SPTBN1: variants seen among roughly 807,000 people sequenced by gnomAD.
SPTBN1 encodes spectrin beta chain, non-erythrocytic 1.
A neutral mutation model predicts 266.4 loss-of-function variants in SPTBN1; 32 were observed. The observed-to-expected ratio is 0.12, with a 90% CI of 0.09 to 0.16. The LOEUF (loss-of-function observed/expected upper bound fraction) is 0.16, where lower values mean the gene tolerates loss of function less well. SPTBN1 is among the 10% of genes least tolerant of loss of function. The probability of loss-of-function intolerance (pLI) is 1.00; values close to 1 mark genes in which losing one functional copy is unlikely to be tolerated. For missense variants in SPTBN1, 2,296 were observed against 3,067.1 expected (o/e 0.75, Z 5.94); for synonymous variants, 1,336 against 1,162.2 (o/e 1.15, Z -3.04).
At chr2:54,522,707 G>GGAGAGAGAGAAA (rs1670552332) in intron 1 of SPTBN1, among the ~76,000 whole-genome samples, 3 of 147,744 alleles carry the variant, frequency 2.0e-5, no homozygotes, top group Non-Finnish European at 4.5e-5. Context: ...GAGAAAGAAA[G>GGAGAGAGAGAAA]AAAGGAAAGA....
chr2:54,640,498 A>G (rs1175820512), intron 18 of SPTBN1, among the ~76,000 whole-genome samples: 4 of 152,188 alleles, frequency 2.6e-5, no homozygotes, highest in African/African-American at 7.2e-5. Context: ...GGACCCTCCT[A>G]TTCCCAGTTA....
chr2:54,558,852 A>G lies in SPTBN1; in HGVS notation c.148+32286A>G. 6.2e-7 allele frequency: 1 copy of G among 1,613,930 alleles called. No individual in the cohort carries two copies. The highest frequency in any genetic ancestry group is 8.5e-7 in the Non-Finnish European group (1 of 1,179,876). On this transcript the variant is annotated intron_variant, in intron 2 of 35. Transcript: ENST00000356805. This position sits in a 1 kb window ranked among gnomAD's most constrained non-coding sequence, Gnocchi z 4.6. The stretch of plus-strand genomic sequence containing the variant: ...TACACGGGGCAGGTGCCTTACAACT[A>G]CAACCAGCTGGAAGGCAGATTCAAG...
intron 2 of SPTBN1, among the ~76,000 whole-genome samples, chr2:54,564,740 G>A (rs754238035): frequency 1.3e-5 from 2 of 152,190 alleles, no homozygotes; most frequent in Non-Finnish European, 2.9e-5. Flanking sequence ...AGGTTGGGGA[G>A]GTCAACATCC....
Position 54,606,163 on chromosome 2 carries a change from T to C in SPTBN1, c.301-5998T>C, listed in dbSNP as rs560295598. Reference sequence around the variant, plus strand: ...TTCATTTGAATGTAAGTCAGACAAGTGATTATTTGAGATCAAGCTTTCAGG... The same window carrying C: ...TTCATTTGAATGTAAGTCAGACAAGCGATTATTTGAGATCAAGCTTTCAGG... On this transcript the variant is annotated intron_variant, in intron 3 of 35. Transcript: ENST00000356805. Among the ~76,000 whole-genome samples, 6 of 152,296 alleles carry C rather than the reference T, an allele frequency of 3.9e-5. No individual in the cohort carries two copies. The South Asian group carries it at 8.3e-4, about 21-fold the overall frequency.
At chr2:54,458,153 C>T (rs1031511493) in intron 1 of SPTBN1, among the ~76,000 whole-genome samples, 1 of 152,170 alleles carries the variant, frequency 6.6e-6, no homozygotes, top group Non-Finnish European at 1.5e-5. Context: ...ATTACAGTAC[C>T]TCGTCTGTCT....
intron 32 of SPTBN1, chr2:54,661,106 G>C: frequency 1.0e-6 from 1 of 985,234 alleles, no homozygotes; most frequent in Non-Finnish European, 1.2e-6. Context: ...TGTACATCTT[G>C]GATTAATCTT....
intron 1 of SPTBN1, among the ~76,000 whole-genome samples, chr2:54,473,165 A>G (rs1441064856): frequency 1.3e-5 from 2 of 152,200 alleles, no homozygotes; most frequent in African/African-American, 2.4e-5. Flanking sequence ...CTCCTTGTAT[A>G]GAAACATTAT....
intron 1 of SPTBN1, among the ~76,000 whole-genome samples, chr2:54,523,935 C>G (rs1353607086): frequency 6.6e-6 from 1 of 152,216 alleles, no homozygotes; most frequent in Non-Finnish European, 1.5e-5. Context: ...CATGGTGGCT[C>G]ACGCCTGTAA....
At position 54,664,741 on chromosome 2, in the gene SPTBN1, G is replaced by A; in HGVS notation, c.6659+50G>A. The A allele has an allele frequency of 6.4e-7, 1 of 1,566,620 alleles. No individual in the cohort carries two copies. Among genetic ancestry groups the A allele is most frequent in the Non-Finnish European group, 8.8e-7 (1 of 1,142,832 alleles). On this transcript the variant is annotated intron_variant, in intron 33 of 35. Coordinates refer to ENST00000356805, the MANE Select transcript of SPTBN1 (RefSeq NM_003128.3). The surrounding 1 kb of genome is among the most constrained non-coding windows in gnomAD (Gnocchi z 5.6). ...GTAAGATGGGAAGTCAGCCTGTGAA[G>A]GGATAAGGCGGGCCACTCTTGAATT... is the stretch of plus-strand genomic sequence containing the variant.
chr2:54,614,024 T>C lies in SPTBN1; in HGVS notation c.474+1690T>C, dbSNP rs545178848. On this transcript the variant is annotated intron_variant, in intron 4 of 35. Transcript: ENST00000356805. ...TCTCAGCGTGAATTGCTTTGAGTCA[T>C]TGACTAATTCGCTTCCTGCCAGTTT... Among the ~76,000 whole-genome samples the C allele has an allele frequency of 8.4e-4, 128 of 152,328 alleles. 1 individual carries two copies. Among genetic ancestry groups the C allele is most frequent in the African/African-American group, 3.0e-3 (124 of 41,584 alleles).
In SPTBN1 at chr2:54,649,220, T is replaced by C; in HGVS notation, c.5202+30T>C. On this transcript the variant is annotated intron_variant, in intron 25 of 35. Coordinates refer to ENST00000356805, the MANE Select transcript of SPTBN1 (RefSeq NM_003128.3). This position sits in a 1 kb window ranked among gnomAD's most constrained non-coding sequence, Gnocchi z 6.7. ...GTACTTGAGGCAGTGCATGAGTTGG[T>C]TGTGCAGTAAGCGATGGTGTGGAAG... 6.4e-7 allele frequency: 1 copy of C among 1,572,980 alleles called. No homozygotes were observed. Among genetic ancestry groups the C allele is most frequent in the Non-Finnish European group, 8.7e-7 (1 of 1,152,498 alleles).
intron 2 of SPTBN1, among the ~76,000 whole-genome samples, chr2:54,530,353 CTTTTTTT>C (rs549491367): frequency 2.8e-4 from 21 of 73,902 alleles, no homozygotes; most frequent in South Asian, 6.3e-4. Flanking sequence ...TTGTAAAAAA[CTTTTTTT>C]TTTTTTTTTT....
intron 5 of SPTBN1, 135 bp from the exon 6 acceptor site, chr2:54,617,473 T>C (rs574162383): frequency 3.0e-6 from 2 of 658,836 alleles, no homozygotes; most frequent in South Asian, 4.5e-5. Flanking sequence ...TGTTCTGACT[T>C]GATTGTCCTT....
At chr2:54,510,383 T>C (rs1669793250) in intron 1 of SPTBN1, among the ~76,000 whole-genome samples, 1 of 152,216 alleles carries the variant, frequency 6.6e-6, no homozygotes, top group African/African-American at 2.4e-5. Context: ...TCCTACAACA[T>C]GTGAATTTGG....
chr2:54,622,588 A>G, intron 9 of SPTBN1, 101 bp downstream of exon 9: 1 of 1,368,274 alleles, frequency 7.3e-7, no homozygotes, highest in Non-Finnish European at 1.0e-6. Flanking sequence ...CTCTTAACTG[A>G]ATGCCTTTCA....
intron 1 of SPTBN1, among the ~76,000 whole-genome samples, chr2:54,483,483 G>T (rs1404663012): frequency 6.6e-6 from 1 of 152,188 alleles, no homozygotes; most frequent in Non-Finnish European, 1.5e-5. Context: ...TCCTCCTGCA[G>T]GCGTGAGAAA....
At chr2:54,614,051 C>T (rs915140593) in intron 4 of SPTBN1, among the ~76,000 whole-genome samples, 1 of 152,180 alleles carries the variant, frequency 6.6e-6, no homozygotes, top group Non-Finnish European at 1.5e-5. Flanking sequence ...TGCCAGTTTG[C>T]ATATTCCTAT....
intron 2 of SPTBN1, among the ~76,000 whole-genome samples, chr2:54,592,170 C>T (rs934765828): frequency 5.3e-5 from 8 of 152,148 alleles, no homozygotes; most frequent in African/African-American, 1.4e-4. Context: ...CTAATATATT[C>T]ATTGGTTAAT....
intron 2 of SPTBN1, among the ~76,000 whole-genome samples, chr2:54,568,572 A>G (rs547463098): frequency 6.6e-6 from 1 of 152,322 alleles, no homozygotes; most frequent in South Asian, 2.1e-4. Flanking sequence ...ACAGGGCTTT[A>G]AAACATAGTT....
Sources: allele counts gnomAD v4.1 joint callset (sites outside exome capture counted in the v4.1 genomes callset), GRCh38; gene constraint gnomAD v4.1.1; non-coding constraint Gnocchi (gnomAD v3.1); transcripts MANE v1.5; gene names NCBI Gene and HGNC (gene_info 2026-07-23, HGNC 2026-07-21).